The following MRTFA variants were observed in gnomAD, a reference collection of about 807,000 sequenced individuals.
MRTFA encodes myocardin related transcription factor A.
Under a neutral mutation model 83.5 loss-of-function variants are expected in MRTFA, and 20 were observed. The observed-to-expected ratio is 0.24, with a 90% CI of 0.17 to 0.35. The LOEUF (loss-of-function observed/expected upper bound fraction) is 0.35. MRTFA is among the 10% of genes least tolerant of loss of function. The pLI is 1.00. For synonymous variants in MRTFA, 659 were observed against 541.2 expected (o/e 1.22, Z -3.02); for missense variants, 1,200 against 1,224.7 (o/e 0.98, Z 0.30).
At chr22:40,636,369 C>G (rs2056699847) in intron 1 of MRTFA, 109 bp downstream of exon 1, 1 of 152,312 alleles carries the variant, frequency 6.6e-6, no homozygotes, top group South Asian at 2.1e-4. Flanking sequence ...AGGGCCGCCT[C>G]GCCCGACCCC....
At chr22:40,459,822 C>CATATATAAATATAT (rs1284924516) in intron 4 of MRTFA, among the ~76,000 whole-genome samples, 1 of 68,266 alleles carries the variant, frequency 1.5e-5, no homozygotes, top group Non-Finnish European at 2.8e-5. Flanking sequence ...CACACACACA[C>CATATATAAATATAT]ATATATACAT....
At chr22:40,541,614 G>GTATAT (rs1450856718) in intron 3 of MRTFA, among the ~76,000 whole-genome samples, 1 of 152,076 alleles carries the variant, frequency 6.6e-6, no homozygotes, top group Non-Finnish European at 1.5e-5. Flanking sequence ...ATTACCACAG[G>GTATAT]TATATTATTC....
rs543077706 is a variant in MRTFA at position 40,411,186 on chromosome 22, C to T, written c.*204G>A. 3.5e-5 allele frequency: 17 copies of T among 483,616 alleles called. No homozygotes were observed. Among genetic ancestry groups the T allele is most frequent in the African/African-American group, 3.3e-4 (17 of 51,624 alleles). 30.0% of individuals were successfully genotyped at this position (483,616 alleles called of 1,614,324 possible). A position where few individuals can be genotyped will look rare whatever the true frequency, so the allele number is the denominator to read the frequency against. On this transcript the variant is annotated 3_prime_UTR_variant, in exon 15 of 15. Transcript: ENST00000355630. The stretch of plus-strand genomic sequence containing the variant: ...CCCAGCGTGAGAGCCAGGGCTGCTT[C>T]TTGACAGCTGCTCTCCTCTGCCCTG...
chr22:40,551,767 G>A (rs148185876), intron 3 of MRTFA, among the ~76,000 whole-genome samples: 357 of 152,290 alleles, frequency 2.3e-3, no homozygotes, highest in Non-Finnish European at 3.9e-3. Context: ...CTATACGATA[G>A]AGTATGTTTC....
chr22:40,465,906 T>TTTAA (rs1189413022), intron 3 of MRTFA, among the ~76,000 whole-genome samples: 1 of 151,384 alleles, frequency 6.6e-6, no homozygotes, highest in Non-Finnish European at 1.5e-5. Flanking sequence ...AGAAGCAAAG[T>TTTAA]GAGGCCCAGC....
chr22:40,550,194 T>C (rs2055424112), intron 3 of MRTFA, among the ~76,000 whole-genome samples: 1 of 152,142 alleles, frequency 6.6e-6, no homozygotes, highest in African/African-American at 2.4e-5. Context: ...TTCTTTTTTT[T>C]TTTCTTTCTA....
chr22:40,454,673 T>C (rs2053552068), intron 4 of MRTFA, among the ~76,000 whole-genome samples: 1 of 152,222 alleles, frequency 6.6e-6, no homozygotes, highest in South Asian at 2.1e-4. Flanking sequence ...TGGGTTATTA[T>C]CCCAACTATA....
At chr22:40,565,537 A>T (rs1472859667) in intron 2 of MRTFA, among the ~76,000 whole-genome samples, 1 of 152,092 alleles carries the variant, frequency 6.6e-6, no homozygotes, top group East Asian at 1.9e-4. Context: ...ACAGAGCGAG[A>T]CTCGATCCCC....
At chr22:40,513,182 ATC>A (rs1214296846) in intron 3 of MRTFA, among the ~76,000 whole-genome samples, 3 of 152,226 alleles carry the variant, frequency 2.0e-5, no homozygotes, top group Non-Finnish European at 2.9e-5. Context: ...GGAGTACCAA[ATC>A]TCTCACAAAA....
At chr22:40,459,820 C>CACACATAT (rs1602278609) in intron 4 of MRTFA, among the ~76,000 whole-genome samples, 16 of 82,936 alleles carry the variant, frequency 1.9e-4, no homozygotes, top group East Asian at 1.2e-3. Flanking sequence ...CACACACACA[C>CACACATAT]ACATATATAC....
chr22:40,626,757 T>G (rs1426283080), intron 1 of MRTFA, among the ~76,000 whole-genome samples: 1 of 152,010 alleles, frequency 6.6e-6, no homozygotes, highest in East Asian at 1.9e-4. Flanking sequence ...CCCAACACTT[T>G]GAGAGTTCAA....
intron 3 of MRTFA, among the ~76,000 whole-genome samples, chr22:40,500,321 T>C (rs1296149947): frequency 7.4e-6 from 1 of 135,314 alleles, no homozygotes; most frequent in Admixed American, 7.8e-5. Context: ...TGCTTTCTTT[T>C]TTTTTGTTAC....
chr22:40,560,143 G>C (rs2055592096), intron 2 of MRTFA, among the ~76,000 whole-genome samples: 1 of 152,168 alleles, frequency 6.6e-6, no homozygotes, highest in Non-Finnish European at 1.5e-5. Context: ...CAGGGAGTGA[G>C]GAAGAACACA....
rs559329911 is a variant in MRTFA at position 40,512,984 on chromosome 22, AT to A, written c.241+39121del. On this transcript the variant is annotated intron_variant, in intron 3 of 14. Coordinates refer to ENST00000355630, the MANE Select transcript of MRTFA (RefSeq NM_020831.6). ...TGTAACTATTTTGCTATGAAAAGAA[AT>A]TTCTAGGTAACACAGACAATTTAGA... is the stretch of plus-strand genomic sequence containing the variant. Among the ~76,000 whole-genome samples, 191 of 152,362 alleles carry A rather than the reference AT, an allele frequency of 1.3e-3. 1 individual carries two copies. Among genetic ancestry groups the A allele is most frequent in the African/African-American group, 4.4e-3 (185 of 41,584 alleles).
intron 3 of MRTFA, among the ~76,000 whole-genome samples, chr22:40,493,493 C>T (rs563522488): frequency 2.0e-5 from 3 of 152,256 alleles, no homozygotes; most frequent in African/African-American, 7.2e-5. Flanking sequence ...CTCGTCCATC[C>T]CTTGCACTGT....
At chr22:40,570,182 T>C (rs1412372762) in intron 2 of MRTFA, among the ~76,000 whole-genome samples, 1 of 152,152 alleles carries the variant, frequency 6.6e-6, no homozygotes, top group Non-Finnish European at 1.5e-5. Flanking sequence ...AGGAAGACTA[T>C]GTTTTCCAGC....
intron 2 of MRTFA, among the ~76,000 whole-genome samples, chr22:40,558,033 C>T (rs1403174115): frequency 2.0e-5 from 3 of 151,994 alleles, no homozygotes; most frequent in Non-Finnish European, 4.4e-5. Context: ...CTTGGCCTCC[C>T]AAAGTGCTGG....
chr22:40,484,603 C>T (rs2054144404), intron 3 of MRTFA, among the ~76,000 whole-genome samples: 1 of 152,198 alleles, frequency 6.6e-6, no homozygotes, highest in Non-Finnish European at 1.5e-5. Context: ...CATTTCACTA[C>T]TGCAGGTTTT....
intron 2 of MRTFA, among the ~76,000 whole-genome samples, chr22:40,555,889 T>G (rs1158960005): frequency 6.6e-6 from 1 of 152,064 alleles, no homozygotes. Context: ...TCCACCCACC[T>G]CAGCCTCCCA....
Sources: gnomAD v4.1 joint callset for allele counts (sites outside exome capture counted in the v4.1 genomes callset) on GRCh38, gnomAD v4.1.1 for gene constraint, MANE v1.5 for transcripts, NCBI Gene and HGNC (gene_info 2026-07-23, HGNC 2026-07-21) for gene names.